ABCA1: variants seen among roughly 807,000 people sequenced by gnomAD.
ABCA1 encodes the protein phospholipid-transporting ATPase ABCA1.
Under a neutral mutation model 262.5 loss-of-function variants are expected in ABCA1, and 133 were observed. That is an observed-to-expected ratio of 0.51 (90% confidence interval 0.44 to 0.59). The LOEUF (loss-of-function observed/expected upper bound fraction) is 0.59. Ranked by LOEUF, ABCA1 falls within the 20% of genes least tolerant of loss-of-function variation. The pLI is 0.00. For missense variants in ABCA1, 2,452 were observed against 2,777.5 expected (o/e 0.88, Z 2.63); for synonymous variants, 1,022 against 1,043.5 (o/e 0.98, Z 0.40).
At chr9:104,844,031 A>G (rs1340562860) in intron 8 of ABCA1, among the ~76,000 whole-genome samples, 2 of 151,648 alleles carry the variant, frequency 1.3e-5, no homozygotes, top group Admixed American at 6.6e-5. Context: ...ATGCCAGAAA[A>G]AAAAAAAAAA....
At position 104,861,621 on chromosome 9, in the gene ABCA1, T is replaced by C. The variant is rs781023489; in HGVS notation, c.543+58A>G. 5.5e-5 allele frequency: 88 copies of C among 1,610,618 alleles called. No individual in the cohort carries two copies. In the African/African-American group the frequency reaches 9.9e-4, roughly 18 times the overall value. ...CAAGGGTTTATTCATTTCTTTCCAG[T>C]AGCTGCACAACGTAATTGCCATCAG... On this transcript the variant is annotated intron_variant, in intron 6 of 49. Coordinates refer to ENST00000374736, the MANE Select transcript of ABCA1 (RefSeq NM_005502.4).
At chr9:104,848,506 T>G (rs1204916668) in intron 7 of ABCA1, among the ~76,000 whole-genome samples, 2 of 151,464 alleles carry the variant, frequency 1.3e-5, no homozygotes, top group African/African-American at 2.4e-5. Context: ...TCCCAGCTAC[T>G]AGAGAGGCTG....
intron 6 of ABCA1, among the ~76,000 whole-genome samples, chr9:104,860,881 C>T (rs566509960): frequency 5.3e-5 from 8 of 151,730 alleles, no homozygotes; most frequent in South Asian, 2.1e-4. Flanking sequence ...CTCAGCCTCA[C>T]GAGTAGCTGG....
chr9:104,902,069 T>C (rs966924368), intron 2 of ABCA1, among the ~76,000 whole-genome samples: 7 of 152,204 alleles, frequency 4.6e-5, no homozygotes, highest in Non-Finnish European at 1.5e-5. Flanking sequence ...TCCCCATTTG[T>C]AACATGAGAG....
At chr9:104,879,279 T>C (rs906480396) in intron 5 of ABCA1, among the ~76,000 whole-genome samples, 1 of 152,154 alleles carries the variant, frequency 6.6e-6, no homozygotes, top group African/African-American at 2.4e-5. Context: ...CTCTCATTTA[T>C]TGGGAATCTA....
chr9:104,863,479 T>C (rs1435626513), intron 5 of ABCA1, among the ~76,000 whole-genome samples: 1 of 152,084 alleles, frequency 6.6e-6, no homozygotes, highest in African/African-American at 2.4e-5. Context: ...GATCTGAAAA[T>C]GGGGCTACAG....
At chr9:104,875,974 G>A (rs1000646148) in intron 5 of ABCA1, among the ~76,000 whole-genome samples, 2 of 152,148 alleles carry the variant, frequency 1.3e-5, no homozygotes, top group African/African-American at 2.4e-5. Context: ...ACACTTACTG[G>A]GCTTCTAGAG....
intron 29 of ABCA1, among the ~76,000 whole-genome samples, chr9:104,810,326 G>A (rs1198855652): frequency 6.6e-6 from 1 of 151,864 alleles, no homozygotes; most frequent in African/African-American, 2.4e-5. Flanking sequence ...CAGAGTGGGG[G>A]ATATTTTTAT....
At chr9:104,812,205 C>T (rs1042720578) in intron 28 of ABCA1, among the ~76,000 whole-genome samples, 1 of 152,146 alleles carries the variant, frequency 6.6e-6, no homozygotes, top group African/African-American at 2.4e-5. Flanking sequence ...TGAATACACC[C>T]AACCAGTTTT....
At chr9:104,853,381 C>T (rs1168590752) in intron 7 of ABCA1, among the ~76,000 whole-genome samples, 1 of 152,202 alleles carries the variant, frequency 6.6e-6, no homozygotes. Context: ...CCCACAGTGT[C>T]TGTGTTGGCA....
At chr9:104,900,039 G>T (rs1265113141) in intron 2 of ABCA1, among the ~76,000 whole-genome samples, 2 of 152,170 alleles carry the variant, frequency 1.3e-5, no homozygotes, top group Non-Finnish European at 2.9e-5. Flanking sequence ...AACTAACCCT[G>T]GCTGATGGTC....
chr9:104,903,328 G>A (rs1588558073), intron 2 of ABCA1, among the ~76,000 whole-genome samples: 1 of 152,142 alleles, frequency 6.6e-6, no homozygotes, highest in African/African-American at 2.4e-5. Context: ...GGAAAAAGTG[G>A]GGTGCTCAGG....
intron 1 of ABCA1, among the ~76,000 whole-genome samples, chr9:104,913,181 A>G (rs1841605732): frequency 6.6e-6 from 1 of 152,218 alleles, no homozygotes; most frequent in South Asian, 2.1e-4. Context: ...CCCAAATCTT[A>G]GTCACTGTCT....
intron 33 of ABCA1, 75 bp downstream of exon 33, chr9:104,803,209 G>A (rs1321904241): frequency 7.9e-6 from 12 of 1,523,060 alleles, no homozygotes; most frequent in African/African-American, 2.7e-5. Context: ...CAATCCCCAA[G>A]GCTTTCTTCA....
intron 30 of ABCA1, among the ~76,000 whole-genome samples, chr9:104,808,848 G>A (rs918920827): frequency 1.3e-5 from 2 of 152,090 alleles, no homozygotes; most frequent in African/African-American, 2.4e-5. Context: ...CCTTGAGCAC[G>A]GCCTCATAAG....
chr9:104,866,019 T>G (rs1053143423), intron 5 of ABCA1, among the ~76,000 whole-genome samples: 6 of 152,184 alleles, frequency 3.9e-5, no homozygotes, highest in South Asian at 2.1e-4. Context: ...AAGTGCTTCA[T>G]GGCGAGCAAC....
Position 104,829,130 on chromosome 9 carries a change from C to G in ABCA1, c.1901G>C (p.Arg634Pro). The G allele has an allele frequency of 6.2e-7, 1 of 1,614,112 alleles. No individual in the cohort carries two copies. The highest frequency in any genetic ancestry group is 8.5e-7 in the Non-Finnish European group (1 of 1,180,026). The part of the protein sequence containing the change: ...YPCYVDDIFL[R>P]VMSRSMPLFM... ...GAGGGGCATTGACCGGCTCATCACC[C>G]GCAGAAAGCTGGAGGCCCCAAGGAA... Residue 634 changes from arginine to proline, a missense_variant, in exon 15 of 50, where the codon CGG becomes CCG. Coordinates refer to ENST00000374736, the MANE Select transcript of ABCA1 (RefSeq NM_005502.4).
intron 39 of ABCA1, among the ~76,000 whole-genome samples, chr9:104,795,684 T>C (rs921214722): frequency 6.6e-6 from 1 of 152,146 alleles, no homozygotes; most frequent in Non-Finnish European, 1.5e-5. Context: ...GCTAAAGGCA[T>C]TGATCTTAGA....
intron 1 of ABCA1, among the ~76,000 whole-genome samples, chr9:104,907,451 A>G (rs41426948): frequency 0.037 from 5,676 of 152,254 alleles, 204 homozygotes; most frequent in African/African-American, 0.084. Flanking sequence ...CTTAGTATGC[A>G]AAAGGGTCCT....
Sources: gnomAD v4.1 joint callset for allele counts (sites outside exome capture counted in the v4.1 genomes callset) on GRCh38, gnomAD v4.1.1 for gene constraint, MANE v1.5 for transcripts, NCBI Gene and HGNC (gene_info 2026-07-23, HGNC 2026-07-21) for gene names.